LHPP: variants seen among roughly 807,000 people sequenced by gnomAD.
The protein encoded by LHPP is phospholysine phosphohistidine inorganic pyrophosphate phosphatase.
A neutral mutation model predicts 30.3 loss-of-function variants in LHPP; 24 were observed. That is an observed-to-expected ratio of 0.79 (90% confidence interval 0.57 to 1.11). The LOEUF (loss-of-function observed/expected upper bound fraction) is 1.11, where lower values mean the gene tolerates loss of function less well. Ranked by LOEUF, LHPP falls within the 50% of genes most tolerant of loss-of-function variation. The probability of loss-of-function intolerance (pLI) is 0.00; values close to 1 mark genes in which losing one functional copy is unlikely to be tolerated. For synonymous variants in LHPP, 150 were observed against 157.1 expected (o/e 0.95, Z 0.34); for missense variants, 356 against 367.2 (o/e 0.97, Z 0.25).
chr10:124,613,225 G>C (rs1440751268), intron 6 of LHPP, 39 bp from the exon 7 acceptor site: 2 of 1,478,142 alleles, frequency 1.4e-6, no homozygotes, highest in East Asian at 4.5e-5. Context: ...AGAGGGGTCA[G>C]CGTGGGGGCA....
At chr10:124,497,261 CCCA>C (rs1953748229) in intron 4 of LHPP, among the ~76,000 whole-genome samples, 3 of 83,494 alleles carry the variant, frequency 3.6e-5, no homozygotes, top group Admixed American at 3.4e-4. Flanking sequence ...CCCCATCCTC[CCCA>C]TCCTCCCCAT....
chr10:124,550,976 G>GC (rs1355577615), intron 6 of LHPP, among the ~76,000 whole-genome samples: 1 of 152,184 alleles, frequency 6.6e-6, no homozygotes, highest in Non-Finnish European at 1.5e-5. Flanking sequence ...CAGAGGCCCG[G>GC]CCCAGCCCTT....
intron 1 of LHPP, among the ~76,000 whole-genome samples, chr10:124,467,421 C>T (rs1285835209): frequency 6.6e-6 from 1 of 151,724 alleles, no homozygotes; most frequent in Non-Finnish European, 1.5e-5. Flanking sequence ...GGGCGGGAAC[C>T]ATGATGGCTC....
intron 6 of LHPP, among the ~76,000 whole-genome samples, chr10:124,540,040 C>G (rs1473363745): frequency 6.6e-6 from 1 of 152,216 alleles, no homozygotes; most frequent in Non-Finnish European, 1.5e-5. Flanking sequence ...TGCTCATTTT[C>G]TTGGTGTTCT....
chr10:124,607,970 T>A (rs1949117721), intron 6 of LHPP, among the ~76,000 whole-genome samples: 1 of 152,160 alleles, frequency 6.6e-6, no homozygotes, highest in Non-Finnish European at 1.5e-5. Flanking sequence ...CTGGCAGGGC[T>A]GATGCAGGCC....
chr10:124,473,769 A>G (rs1461250106), intron 1 of LHPP, among the ~76,000 whole-genome samples: 6 of 152,162 alleles, frequency 3.9e-5, no homozygotes, highest in African/African-American at 9.7e-5. Context: ...CCTGGCCAAC[A>G]TGGTGAAACC....
chr10:124,584,362 T>A (rs1948776342), intron 6 of LHPP, among the ~76,000 whole-genome samples: 1 of 116,250 alleles, frequency 8.6e-6, no homozygotes, highest in South Asian at 2.6e-4. Context: ...AGACTCTGTC[T>A]CAAAAAAAAA....
chr10:124,501,281 G>A (rs911942227), intron 5 of LHPP, among the ~76,000 whole-genome samples: 2 of 151,820 alleles, frequency 1.3e-5, no homozygotes, highest in African/African-American at 4.9e-5. Context: ...TTCAGGGTAC[G>A]AGGTCTCCTT....
intron 5 of LHPP, among the ~76,000 whole-genome samples, chr10:124,507,000 G>A (rs1484857109): frequency 5.7e-5 from 2 of 35,160 alleles, no homozygotes; most frequent in Non-Finnish European, 1.1e-4. Context: ...GGGGTAGGGA[G>A]GATTTCAGGT....
chr10:124,478,926 G>A lies in LHPP; in HGVS notation c.126-5213G>A, dbSNP rs914723897. 8.0e-4 allele frequency among the ~76,000 whole-genome samples: 121 copies of A among 152,196 alleles called. 1 individual carries two copies. The highest frequency in any genetic ancestry group is 7.9e-3 in the Admixed American group (120 of 15,286). ...TCTACTAAAAATATAAAAATTAGCCGGGCATGGTGGTGGGCACCTGTAATC... is the reference window on the plus strand; with the variant it reads ...TCTACTAAAAATATAAAAATTAGCCAGGCATGGTGGTGGGCACCTGTAATC... On this transcript the variant is annotated intron_variant, in intron 1 of 6. Coordinates refer to ENST00000368842, the MANE Select transcript of LHPP (RefSeq NM_022126.4). The surrounding 1 kb of genome is among the most constrained non-coding windows in gnomAD (Gnocchi z 4.7).
chr10:124,479,277 CCTT>C (rs974058129), intron 1 of LHPP, among the ~76,000 whole-genome samples: 3 of 152,154 alleles, frequency 2.0e-5, no homozygotes, highest in Non-Finnish European at 2.9e-5. Flanking sequence ...CTGGGCTTGT[CCTT>C]CTTTGCAGGG....
chr10:124,566,369 C>A (rs1341379231), intron 6 of LHPP, among the ~76,000 whole-genome samples: 1 of 152,186 alleles, frequency 6.6e-6, no homozygotes, highest in African/African-American at 2.4e-5. Flanking sequence ...AGGGAGACTG[C>A]AGGTGCCAGC....
intron 3 of LHPP, among the ~76,000 whole-genome samples, chr10:124,494,897 C>T (rs1256986202): frequency 1.3e-5 from 2 of 152,090 alleles, no homozygotes; most frequent in Admixed American, 1.3e-4. Context: ...GGCTGTGGAG[C>T]ATCTGGGATC....
intron 6 of LHPP, among the ~76,000 whole-genome samples, chr10:124,548,442 G>A (rs1244636100): frequency 6.6e-6 from 1 of 152,166 alleles, no homozygotes; most frequent in Admixed American, 6.5e-5. Flanking sequence ...TTGCTCTACT[G>A]ATTTTTGTCT....
intron 6 of LHPP, among the ~76,000 whole-genome samples, chr10:124,522,851 G>C (rs571091631): frequency 7.1e-4 from 108 of 152,244 alleles, no homozygotes; most frequent in African/African-American, 2.4e-3. Context: ...TAGAGGGAAG[G>C]GACGTTTTGC....
intron 5 of LHPP, among the ~76,000 whole-genome samples, chr10:124,511,343 G>A (rs573537805): frequency 4.6e-5 from 7 of 152,160 alleles, no homozygotes; most frequent in Non-Finnish European, 1.0e-4. Context: ...TCCTTGCTCT[G>A]CCTGGAGTCA....
At chr10:124,574,758 A>G (rs56372228) in intron 6 of LHPP, among the ~76,000 whole-genome samples, 6,238 of 152,106 alleles carry the variant, frequency 0.041, 157 homozygotes, top group East Asian at 0.13. Context: ...GCATGGTCGG[A>G]GGTCCAGAGG....
At chr10:124,506,271 C>CT (rs1365473659) in intron 5 of LHPP, among the ~76,000 whole-genome samples, 4 of 127,688 alleles carry the variant, frequency 3.1e-5, no homozygotes, top group East Asian at 2.8e-4. Flanking sequence ...AAACCCCCCC[C>CT]CCACCCCGCG....
rs1954655910 is a variant in LHPP at position 124,523,350 on chromosome 10, A to G, written c.716+6079A>G. On this transcript the variant is annotated intron_variant, in intron 6 of 6. Transcript: ENST00000368842. The surrounding 1 kb of genome is among the most constrained non-coding windows in gnomAD (Gnocchi z 4.2). ...ATCTAGGATTCCAGCCGCCTTGCAC[A>G]AAGCTGGAAGACGAGGGGCTGCAGG... Among the ~76,000 whole-genome samples the G allele has an allele frequency of 6.6e-6, 1 of 152,182 alleles. No individual in the cohort carries two copies. Among genetic ancestry groups the G allele is most frequent in the Non-Finnish European group, 1.5e-5 (1 of 68,042 alleles).
Sources: gnomAD v4.1 joint callset for allele counts (sites outside exome capture counted in the v4.1 genomes callset) on GRCh38, gnomAD v4.1.1 for gene constraint, Gnocchi (gnomAD v3.1) non-coding constraint, MANE v1.5 for transcripts, NCBI Gene and HGNC (gene_info 2026-07-23, HGNC 2026-07-21) for gene names.